The following RALGAPA2 variants were observed in gnomAD, a reference collection of about 807,000 sequenced individuals.
RALGAPA2 encodes the protein ral GTPase-activating protein subunit alpha-2.
A neutral mutation model predicts 230.4 loss-of-function variants in RALGAPA2; 139 were observed. That is an observed-to-expected ratio of 0.60 (90% CI 0.53 to 0.69). RALGAPA2 has a LOEUF of 0.69. Among genes scored for constraint, RALGAPA2 ranks in the 30% least tolerant of loss-of-function variants. The probability of loss-of-function intolerance (pLI) is 0.00; values close to 1 mark genes in which losing one functional copy is unlikely to be tolerated. For missense variants in RALGAPA2, 2,163 were observed against 2,276.0 expected (o/e 0.95, Z 1.01); for synonymous variants, 847 against 837.8 (o/e 1.01, Z -0.19).
chr20:20,451,888 T>C (rs1444764472), intron 37 of RALGAPA2, among the ~76,000 whole-genome samples: 2 of 152,236 alleles, frequency 1.3e-5, no homozygotes, highest in African/African-American at 4.8e-5. Context: ...CAAAATCATA[T>C]TCCACAAAAG....
intron 3 of RALGAPA2, among the ~76,000 whole-genome samples, chr20:20,654,987 G>A (rs2067538042): frequency 6.6e-6 from 1 of 152,122 alleles, no homozygotes; most frequent in Non-Finnish European, 1.5e-5. Context: ...GCATTTTCCT[G>A]ATGATTAGTG....
chr20:20,449,801 A>G (rs1277476846), intron 37 of RALGAPA2, among the ~76,000 whole-genome samples: 1 of 152,256 alleles, frequency 6.6e-6, no homozygotes. Flanking sequence ...TTATTAGGTT[A>G]GAATGACCTA....
At chr20:20,585,089 T>C in intron 18 of RALGAPA2, 134 bp from the exon 19 acceptor site, 1 of 532,066 alleles carries the variant, frequency 1.9e-6, no homozygotes, top group Non-Finnish European at 3.2e-6. Flanking sequence ...GTTTTCCATT[T>C]GAAGGATATG....
At chr20:20,522,823 C>A (rs533896663) in intron 30 of RALGAPA2, among the ~76,000 whole-genome samples, 17 of 152,278 alleles carry the variant, frequency 1.1e-4, no homozygotes, top group African/African-American at 3.8e-4. Flanking sequence ...TAAGAGAAAT[C>A]TTTAAGAAAA....
At chr20:20,598,876 T>G (rs1198984351) in intron 16 of RALGAPA2, 6 of 397,070 alleles carry the variant, frequency 1.5e-5, no homozygotes, top group Non-Finnish European at 3.0e-5. Flanking sequence ...CCTTTCACTT[T>G]ATTATTATTA....
At chr20:20,559,495 G>A (rs778731602) in intron 23 of RALGAPA2, among the ~76,000 whole-genome samples, 12 of 152,166 alleles carry the variant, frequency 7.9e-5, no homozygotes, top group Non-Finnish European at 1.3e-4. Flanking sequence ...CCTGCCCATC[G>A]TATGATGAAA....
chr20:20,542,979 C>T (rs1339565544), intron 24 of RALGAPA2, among the ~76,000 whole-genome samples: 2 of 152,092 alleles, frequency 1.3e-5, no homozygotes, highest in East Asian at 3.9e-4. Context: ...AGGCAACCTA[C>T]AGAAAGGGAG....
At chr20:20,559,784 T>A (rs1423029922) in intron 23 of RALGAPA2, among the ~76,000 whole-genome samples, 1 of 152,130 alleles carries the variant, frequency 6.6e-6, no homozygotes, top group African/African-American at 2.4e-5. Flanking sequence ...ATAGCTGAAC[T>A]TGGGCAGATA....
In RALGAPA2 at chr20:20,635,493, G is replaced by C. The variant is rs766542132; in HGVS notation, c.930C>G (p.Phe310Leu). The C allele has an allele frequency of 4.4e-6, 7 of 1,601,132 alleles. No individual in the cohort carries two copies. In the South Asian group the frequency reaches 4.5e-5, roughly 10 times the overall value. ...RVVFIKWIVT[F>L]FLEKKYLTAT... ...CAGTTAGATACTTTTTTTCCAAAAA[G>C]AAGGTTACAATCCACTTAATAAAAA... Residue 310 changes from phenylalanine (F) to leucine (L), a missense_variant, in exon 9 of 40, where the codon TTC (phenylalanine) becomes TTG (leucine). Phe to Leu is a conservative substitution (Grantham distance 22, BLOSUM62 0). Transcript: ENST00000202677.
intron 1 of RALGAPA2, among the ~76,000 whole-genome samples, chr20:20,705,178 C>T (rs1327797951): frequency 1.3e-5 from 2 of 152,220 alleles, no homozygotes; most frequent in Non-Finnish European, 2.9e-5. Flanking sequence ...GGCATGCACT[C>T]ACACAGTCTT....
intron 3 of RALGAPA2, among the ~76,000 whole-genome samples, chr20:20,658,874 C>T (rs2067678239): frequency 6.6e-6 from 1 of 152,172 alleles, no homozygotes; most frequent in Non-Finnish European, 1.5e-5. Context: ...TGGATTCACA[C>T]TTGATTTCAA....
chr20:20,603,227 T>A (rs2065715556), intron 15 of RALGAPA2, among the ~76,000 whole-genome samples: 2 of 152,222 alleles, frequency 1.3e-5, no homozygotes, highest in African/African-American at 2.4e-5. Context: ...TTAGACAGTC[T>A]AAATCTACAT....
chr20:20,455,123 G>T (rs1471899838), intron 37 of RALGAPA2, among the ~76,000 whole-genome samples: 3 of 152,242 alleles, frequency 2.0e-5, no homozygotes, highest in Non-Finnish European at 2.9e-5. Context: ...TGTGTCCCTA[G>T]GAAGGGTGTT....
intron 21 of RALGAPA2, 137 bp from the exon 22 acceptor site, chr20:20,572,083 C>G: frequency 1.6e-6 from 1 of 623,358 alleles, no homozygotes; most frequent in Non-Finnish European, 2.8e-6. Context: ...ACAAGTTTCT[C>G]TTTTATTGTG....
Position 20,491,357 on chromosome 20 carries a change from CA to C in RALGAPA2, c.5367+3759del, listed in dbSNP as rs1218905773. 5.3e-5 allele frequency among the ~76,000 whole-genome samples: 8 copies of C among 152,232 alleles called. No individual in the cohort carries two copies. In the South Asian group the frequency reaches 1.5e-3, roughly 28 times the overall value. ...TGAGGTGAAGAGGAGGACACTTCACCAAAACTTCCTCTTGTCTCAACTGCTC... is the reference window on the plus strand; with the variant it reads ...TGAGGTGAAGAGGAGGACACTTCACCAAACTTCCTCTTGTCTCAACTGCTC... On this transcript the variant is annotated intron_variant, in intron 36 of 39. Transcript: ENST00000202677.
At chr20:20,693,516 G>T (rs1255678412) in intron 1 of RALGAPA2, among the ~76,000 whole-genome samples, 1 of 152,120 alleles carries the variant, frequency 6.6e-6, no homozygotes, top group Non-Finnish European at 1.5e-5. Context: ...AAAAGTTGGA[G>T]ACAGAAATAA....
At chr20:20,652,648 A>G (rs990388584) in intron 4 of RALGAPA2, among the ~76,000 whole-genome samples, 2 of 152,228 alleles carry the variant, frequency 1.3e-5, no homozygotes, top group East Asian at 3.8e-4. Context: ...CTTGTAGGAC[A>G]TGCTAGACTC....
At chr20:20,667,039 A>C (rs1444122108) in intron 3 of RALGAPA2, among the ~76,000 whole-genome samples, 2 of 152,212 alleles carry the variant, frequency 1.3e-5, no homozygotes, top group Non-Finnish European at 2.9e-5. Flanking sequence ...TTAGTATCTG[A>C]AGTAAAATGG....
chr20:20,498,023 A>G (rs2062261913), intron 35 of RALGAPA2, among the ~76,000 whole-genome samples: 1 of 152,228 alleles, frequency 6.6e-6, no homozygotes, highest in East Asian at 1.9e-4. Context: ...AATAAATAAA[A>G]TTCATCTGGG....
Sources: allele counts gnomAD v4.1 joint callset (sites outside exome capture counted in the v4.1 genomes callset), GRCh38; gene constraint gnomAD v4.1.1; transcripts MANE v1.5; gene names NCBI Gene and HGNC (gene_info 2026-07-23, HGNC 2026-07-21).